The following ZHX2 variants were observed in gnomAD, a reference collection of about 807,000 sequenced individuals.
ZHX2 encodes the protein zinc fingers and homeoboxes protein 2.
Under a neutral mutation model 21.9 loss-of-function variants are expected in ZHX2, and 6 were observed. The observed-to-expected ratio is 0.27, with a 90% CI of 0.15 to 0.54. The LOEUF (loss-of-function observed/expected upper bound fraction) is 0.54. ZHX2 is among the 20% of genes least tolerant of loss of function. The pLI, the probability that ZHX2 is intolerant of heterozygous loss-of-function variation, is 0.95. For synonymous variants in ZHX2, 434 were observed against 437.1 expected (o/e 0.99, Z 0.09); for missense variants, 908 against 1,090.7 (o/e 0.83, Z 2.36).
Position 122,952,251 on chromosome 8 carries a change from G to T in ZHX2, c.741G>T (p.Gln247His). 1 of 1,613,968 alleles carries T rather than the reference G, an allele frequency of 6.2e-7. No individual in the cohort carries two copies. The highest frequency in any genetic ancestry group is 8.5e-7 in the Non-Finnish European group (1 of 1,180,020). The change falls in exon 3 of 4, where the codon CAG (glutamine) becomes CAT (histidine). Residue 247 changes from glutamine to histidine, a missense_variant. Physicochemically the swap from Gln to His is conservative, Grantham distance 24. Coordinates refer to ENST00000314393, the MANE Select transcript of ZHX2 (RefSeq NM_014943.5). The surrounding 1 kb of genome is among the most constrained non-coding windows in gnomAD (Gnocchi z 6.9). ...DTLGHVMPSV[Q>H]LPPNINLVPK... ...TAGGACACGTCATGCCTTCTGTACA[G>T]CTGCCACCAAATATCAACCTTGTGC...
chr8:122,833,329 G>T (rs1353532545), intron 1 of ZHX2, among the ~76,000 whole-genome samples: 1 of 152,108 alleles, frequency 6.6e-6, no homozygotes, highest in East Asian at 1.9e-4. Flanking sequence ...GGAGTTTGTT[G>T]GGCGGAGTAG....
intron 1 of ZHX2, among the ~76,000 whole-genome samples, chr8:122,856,156 G>A (rs1563755811): frequency 6.6e-6 from 1 of 152,188 alleles, no homozygotes; most frequent in Non-Finnish European, 1.5e-5. Flanking sequence ...CAAGTATTTT[G>A]TTTCTGGACT....
At chr8:122,859,197 G>A (rs1819104575) in intron 1 of ZHX2, among the ~76,000 whole-genome samples, 2 of 152,232 alleles carry the variant, frequency 1.3e-5, no homozygotes, top group African/African-American at 2.4e-5. Context: ...ATGCTGCTTA[G>A]TATCTCCTGG....
chr8:122,801,870 G>T (rs182619827), intron 1 of ZHX2, among the ~76,000 whole-genome samples: 2 of 152,142 alleles, frequency 1.3e-5, no homozygotes, highest in South Asian at 2.1e-4. Flanking sequence ...GTTTGGATGC[G>T]TTGACTTGGA....
At chr8:122,835,325 G>A (rs1306039269) in intron 1 of ZHX2, among the ~76,000 whole-genome samples, 1 of 152,258 alleles carries the variant, frequency 6.6e-6, no homozygotes, top group Non-Finnish European at 1.5e-5. Context: ...AAGGGCAGGA[G>A]AGAAGGAAGA....
rs765841714 is a variant in ZHX2 at position 122,952,531 on chromosome 8, G to C, written c.1021G>C (p.Val341Leu). 2.0e-5 allele frequency: 32 copies of C among 1,614,056 alleles called. No homozygotes were observed. The highest frequency in any genetic ancestry group is 2.7e-5 in the Non-Finnish European group (32 of 1,180,046). Residue 341 changes from valine (V) to leucine (L), a missense_variant, in exon 3 of 4, where the codon GTA (valine) becomes CTA (leucine). Val to Leu is a conservative substitution (Grantham distance 32, BLOSUM62 1). Transcript: ENST00000314393. This position sits in a 1 kb window ranked among gnomAD's most constrained non-coding sequence, Gnocchi z 6.9. ...GATGTTCAACGGCACCATCCAGTCA[G>C]TACCCCCGACCATCACTGTGCTGCC... ...KKMFNGTIQSVPPTITVLPAQ... is the reference protein window; with the variant it reads ...KKMFNGTIQSLPPTITVLPAQ...
At chr8:122,948,369 C>T (rs567188856) in intron 2 of ZHX2, among the ~76,000 whole-genome samples, 2 of 152,240 alleles carry the variant, frequency 1.3e-5, no homozygotes, top group East Asian at 1.9e-4. Flanking sequence ...CATCAGCTCT[C>T]TATTCTCGGT....
intron 1 of ZHX2, among the ~76,000 whole-genome samples, chr8:122,786,964 C>G (rs1817407751): frequency 6.6e-6 from 1 of 151,832 alleles, no homozygotes; most frequent in African/African-American, 2.4e-5. Flanking sequence ...GATTCCCCTC[C>G]CCCACCCTTC....
At chr8:122,935,813 G>A (rs1812670242) in intron 2 of ZHX2, among the ~76,000 whole-genome samples, 1 of 152,114 alleles carries the variant, frequency 6.6e-6, no homozygotes, top group African/African-American at 2.4e-5. Flanking sequence ...GGGATTACAG[G>A]TGTGAGCCAC....
At chr8:122,826,941 T>C (rs1253570832) in intron 1 of ZHX2, among the ~76,000 whole-genome samples, 1 of 152,176 alleles carries the variant, frequency 6.6e-6, no homozygotes, top group Admixed American at 6.5e-5. Context: ...GAGTTTTAGG[T>C]TGAACAGGGT....
intron 3 of ZHX2, among the ~76,000 whole-genome samples, chr8:122,966,338 C>G (rs1186090891): frequency 3.9e-5 from 6 of 152,094 alleles, no homozygotes; most frequent in East Asian, 1.9e-4. Flanking sequence ...TTTCTTGTAG[C>G]ACTGCTTTGG....
intron 2 of ZHX2, among the ~76,000 whole-genome samples, chr8:122,882,214 A>G (rs558234897): frequency 1.3e-5 from 2 of 151,952 alleles, no homozygotes; most frequent in South Asian, 4.2e-4. Flanking sequence ...CCACATTTCA[A>G]ACTTAGGCAA....
At chr8:122,821,276 T>C (rs1425081458) in intron 1 of ZHX2, among the ~76,000 whole-genome samples, 1 of 152,148 alleles carries the variant, frequency 6.6e-6, no homozygotes, top group Non-Finnish European at 1.5e-5. Context: ...GAACTAGAGT[T>C]CTGCTGGGCG....
intron 1 of ZHX2, among the ~76,000 whole-genome samples, chr8:122,861,169 C>A (rs114656926): frequency 0.019 from 2,855 of 151,784 alleles, 103 homozygotes; most frequent in African/African-American, 0.065. Context: ...AGAGGAAGAA[C>A]GTGGAGTGAG....
At chr8:122,839,496 A>G (rs1818576732) in intron 1 of ZHX2, among the ~76,000 whole-genome samples, 1 of 152,032 alleles carries the variant, frequency 6.6e-6, no homozygotes, top group African/African-American at 2.4e-5. Context: ...TTACCTTTCC[A>G]GCATTAAGGG....
At chr8:122,791,594 G>T (rs1194518873) in intron 1 of ZHX2, among the ~76,000 whole-genome samples, 1 of 152,194 alleles carries the variant, frequency 6.6e-6, no homozygotes, top group African/African-American at 2.4e-5. Flanking sequence ...GCCGGGTGCG[G>T]TGGCTCACGC....
intron 2 of ZHX2, among the ~76,000 whole-genome samples, chr8:122,865,349 C>T (rs922023469): frequency 2.0e-5 from 3 of 152,010 alleles, no homozygotes; most frequent in African/African-American, 4.8e-5. Flanking sequence ...AGGATGGTCT[C>T]GATCTCCTGA....
chr8:122,814,875 T>G (rs1460476911), intron 1 of ZHX2, among the ~76,000 whole-genome samples: 1 of 137,270 alleles, frequency 7.3e-6, no homozygotes, highest in African/African-American at 2.5e-5. Context: ...TAATCATAAA[T>G]GGGGATAAAA....
intron 2 of ZHX2, among the ~76,000 whole-genome samples, chr8:122,946,671 G>T (rs1414780734): frequency 6.6e-6 from 1 of 152,104 alleles, no homozygotes; most frequent in Non-Finnish European, 1.5e-5. Flanking sequence ...TTTTTCTGCA[G>T]GAGGAAAGTG....
Sources: allele counts gnomAD v4.1 joint callset (sites outside exome capture counted in the v4.1 genomes callset), GRCh38; gene constraint gnomAD v4.1.1; non-coding constraint Gnocchi (gnomAD v3.1); transcripts MANE v1.5; gene names NCBI Gene and HGNC (gene_info 2026-07-23, HGNC 2026-07-21).